The following LSAMP variants were observed in gnomAD, a reference collection of about 807,000 sequenced individuals.
The protein encoded by LSAMP is limbic system associated membrane protein, also known as limbic system-associated membrane protein.
In LSAMP, 7 loss-of-function variants were observed where a neutral mutation model predicts 38.6. The observed-to-expected ratio is 0.18, with a 90% CI of 0.10 to 0.34. The LOEUF (loss-of-function observed/expected upper bound fraction) is 0.34. Among genes scored for constraint, LSAMP ranks in the 10% least tolerant of loss-of-function variants. The pLI is 1.00. For missense variants in LSAMP, 313 were observed against 420.0 expected (o/e 0.75, Z 2.23); for synonymous variants, 154 against 166.8 (o/e 0.92, Z 0.59).
chr3:115,998,626 G>A (rs186279168), intron 3 of LSAMP, among the ~76,000 whole-genome samples: 7 of 152,194 alleles, frequency 4.6e-5, no homozygotes, highest in Admixed American at 3.9e-4. Context: ...TGCTGAATCC[G>A]AATCTCATTT....
intron 1 of LSAMP, among the ~76,000 whole-genome samples, chr3:116,356,034 T>C (rs1357475577): frequency 6.6e-6 from 1 of 152,096 alleles, no homozygotes; most frequent in Non-Finnish European, 1.5e-5. Flanking sequence ...CTCAAAAAAC[T>C]AAAAATAGAA....
intron 1 of LSAMP, among the ~76,000 whole-genome samples, chr3:116,241,892 A>G (rs1370487763): frequency 6.6e-6 from 1 of 152,264 alleles, no homozygotes; most frequent in Non-Finnish European, 1.5e-5. Flanking sequence ...TTGGGGGTGT[A>G]ACCCTATGCA....
intron 3 of LSAMP, among the ~76,000 whole-genome samples, chr3:115,931,348 C>T (rs1002812996): frequency 6.6e-6 from 1 of 152,208 alleles, no homozygotes; most frequent in East Asian, 1.9e-4. Context: ...GAGGTCATGA[C>T]TAAGTTGAGA....
rs1214832155 is a variant in LSAMP, at chr3:115,865,367, C to G, written c.515-12750G>C. On this transcript the variant is annotated intron_variant, in intron 3 of 6. Coordinates refer to ENST00000490035, the MANE Select transcript of LSAMP (RefSeq NM_002338.5). Reference sequence around the variant, plus strand: ...GTCAAACATATTGTCTAACATATTACTCAATACCCTTTATAAAAGGATTCT... The same window carrying G: ...GTCAAACATATTGTCTAACATATTAGTCAATACCCTTTATAAAAGGATTCT... Among the ~76,000 whole-genome samples the G allele has an allele frequency of 5.3e-5, 8 of 152,136 alleles. No homozygotes were observed. In the South Asian group the frequency reaches 1.5e-3, roughly 28 times the overall value.
At chr3:116,397,365 C>T (rs2048781744) in intron 1 of LSAMP, among the ~76,000 whole-genome samples, 1 of 141,218 alleles carries the variant, frequency 7.1e-6, no homozygotes, top group South Asian at 2.2e-4. Flanking sequence ...TTTCCCTCAG[C>T]CTACCCTATT....
chr3:116,082,241 T>C (rs1179375141), intron 2 of LSAMP, among the ~76,000 whole-genome samples: 2 of 152,200 alleles, frequency 1.3e-5, no homozygotes, highest in East Asian at 1.9e-4. Flanking sequence ...TGATTTACTA[T>C]TATAAGGCTC....
intron 6 of LSAMP, among the ~76,000 whole-genome samples, chr3:115,830,378 G>T (rs899121865): frequency 2.0e-5 from 3 of 152,200 alleles, no homozygotes; most frequent in African/African-American, 7.2e-5. Flanking sequence ...CCATTGAAAA[G>T]ATGCATATCT....
At position 115,927,866 on chromosome 3, in the gene LSAMP, C is replaced by T. The variant is rs562125559; in HGVS notation, c.515-75249G>A. On this transcript the variant is annotated intron_variant, in intron 3 of 6. Coordinates refer to ENST00000490035, the MANE Select transcript of LSAMP (RefSeq NM_002338.5). ...TTGACAACACCATTTAAAGAGCAACCTTGCTCCAGCCACATACCTCGAGAC... is the reference window on the plus strand; with the variant it reads ...TTGACAACACCATTTAAAGAGCAACTTTGCTCCAGCCACATACCTCGAGAC... 1.8e-4 allele frequency among the ~76,000 whole-genome samples: 28 copies of T among 152,302 alleles called. No homozygotes were observed. The South Asian group carries it at 5.6e-3, about 30-fold the overall frequency.
At position 115,825,267 on chromosome 3, in the gene LSAMP, G is replaced by T. The variant is rs557184380; in HGVS notation, c.920-14853C>A. On this transcript the variant is annotated intron_variant, in intron 6 of 6. Transcript: ENST00000490035. ...CCTCTATTGCACTAACTACCGCAGTGCAGAACTTGGTAAATGTAGTTCTGC... is the reference window on the plus strand; with the variant it reads ...CCTCTATTGCACTAACTACCGCAGTTCAGAACTTGGTAAATGTAGTTCTGC... Among the ~76,000 whole-genome samples, 21 of 152,308 alleles carry T rather than the reference G, an allele frequency of 1.4e-4. 1 individual carries two copies. In the South Asian group the frequency reaches 4.3e-3, roughly 32 times the overall value.
At chr3:115,963,954 T>C (rs1938711347) in intron 3 of LSAMP, among the ~76,000 whole-genome samples, 1 of 152,130 alleles carries the variant, frequency 6.6e-6, no homozygotes, top group Non-Finnish European at 1.5e-5. Context: ...AGTCTCCCTA[T>C]GTTGCCCAGG....
chr3:116,258,282 A>T (rs1400532610), intron 1 of LSAMP, among the ~76,000 whole-genome samples: 1 of 152,028 alleles, frequency 6.6e-6, no homozygotes, highest in Non-Finnish European at 1.5e-5. Context: ...TTTACCATTT[A>T]TATCAGTCTC....
chr3:116,268,627 T>C lies in LSAMP; in HGVS notation c.155+176250A>G, dbSNP rs554754343. Among the ~76,000 whole-genome samples, 5 of 152,212 alleles carry C rather than the reference T, an allele frequency of 3.3e-5. No homozygotes were observed. The South Asian group carries it at 8.3e-4, about 25-fold the overall frequency. On this transcript the variant is annotated intron_variant, in intron 1 of 6. Coordinates refer to ENST00000490035, the MANE Select transcript of LSAMP (RefSeq NM_002338.5). ...AACATAGAGTCTCTCCCCCTTTGGTTAGACCTCAATAATTTCTGTGTGTTT... is the reference window on the plus strand; with the variant it reads ...AACATAGAGTCTCTCCCCCTTTGGTCAGACCTCAATAATTTCTGTGTGTTT...
At chr3:115,852,357 G>A in intron 4 of LSAMP, 126 bp downstream of exon 4, 5 of 1,117,982 alleles carry the variant, frequency 4.5e-6, no homozygotes, top group Non-Finnish European at 6.2e-6. Context: ...GTATAAATGT[G>A]CATTCCTGGC....
At chr3:116,309,924 C>T (rs1015372395) in intron 1 of LSAMP, among the ~76,000 whole-genome samples, 1 of 152,090 alleles carries the variant, frequency 6.6e-6, no homozygotes, top group Non-Finnish European at 1.5e-5. Flanking sequence ...TTTTGTGACT[C>T]TTCTTTCCAT....
At chr3:116,011,430 A>T (rs1211407301) in intron 3 of LSAMP, among the ~76,000 whole-genome samples, 1 of 152,204 alleles carries the variant, frequency 6.6e-6, no homozygotes, top group Non-Finnish European at 1.5e-5. Flanking sequence ...AAGTGAATAA[A>T]GTACACTCTT....
intron 1 of LSAMP, among the ~76,000 whole-genome samples, chr3:116,311,755 T>G (rs1358222229): frequency 1.3e-5 from 2 of 152,148 alleles, no homozygotes; most frequent in African/African-American, 4.8e-5. Flanking sequence ...TGATGCACCT[T>G]GAAGGCAGCC....
At chr3:115,858,164 T>TCTCA (rs1032761229) in intron 3 of LSAMP, among the ~76,000 whole-genome samples, 2 of 142,072 alleles carry the variant, frequency 1.4e-5, no homozygotes, top group African/African-American at 2.6e-5. Flanking sequence ...TCTCTCTCTC[T>TCTCA]CACACACACA....
chr3:115,834,457 A>T (rs1179238341), intron 6 of LSAMP: 6 of 848,536 alleles, frequency 7.1e-6, no homozygotes, highest in South Asian at 5.6e-5. Context: ...TTTATATTGT[A>T]TGTGAATTTT....
intron 6 of LSAMP, among the ~76,000 whole-genome samples, chr3:115,821,717 C>T (rs962328815): frequency 6.6e-6 from 1 of 152,098 alleles, no homozygotes; most frequent in African/African-American, 2.4e-5. Context: ...GGTCCAAATT[C>T]AGTAGGGATT....
Sources: allele counts gnomAD v4.1 joint callset (sites outside exome capture counted in the v4.1 genomes callset), GRCh38; gene constraint gnomAD v4.1.1; transcripts MANE v1.5; gene names NCBI Gene and HGNC (gene_info 2026-07-23, HGNC 2026-07-21).